TFPI: variants seen among roughly 807,000 people sequenced by gnomAD.
TFPI encodes anti-convertin.
Under a neutral mutation model 34.6 loss-of-function variants are expected in TFPI, and 15 were observed. The observed-to-expected ratio is 0.43, with a 90% confidence interval of 0.29 to 0.67. The LOEUF (loss-of-function observed/expected upper bound fraction) is 0.67. TFPI is among the 30% of genes least tolerant of loss of function. The pLI, the probability that TFPI is intolerant of heterozygous loss-of-function variation, is 0.15. For synonymous variants in TFPI, 105 were observed against 120.1 expected, an observed-to-expected ratio of 0.87 and a Z score of 0.82; for missense variants, 301 against 364.0, an observed-to-expected ratio of 0.83 and a Z score of 1.41.
At chr2:187,509,390 T>C (rs559932966) in intron 1 of TFPI, among the ~76,000 whole-genome samples, 2 of 152,348 alleles carry the variant, frequency 1.3e-5, no homozygotes, top group Admixed American at 6.5e-5. Context: ...CTCCTCTTCA[T>C]ATCTCTGGTA....
chr2:187,492,941 T>C (rs923811590), intron 3 of TFPI, among the ~76,000 whole-genome samples: 1 of 152,128 alleles, frequency 6.6e-6, no homozygotes, highest in Non-Finnish European at 1.5e-5. Flanking sequence ...AGTTTTGAAA[T>C]GTGCAAGTGC....
intron 5 of TFPI, 159 bp from the exon 6 acceptor site, chr2:187,484,375 G>A (rs780395347): frequency 5.7e-5 from 35 of 609,798 alleles, no homozygotes; most frequent in Non-Finnish European, 9.3e-5. Context: ...ATAATTGTAA[G>A]GTAATATTTC....
intron 1 of TFPI, chr2:187,516,327 A>G (rs974328211): frequency 6.6e-5 from 10 of 152,228 alleles, no homozygotes; most frequent in African/African-American, 2.4e-4. Flanking sequence ...CAAGTGTGGC[A>G]TGGATTTAAT....
intron 1 of TFPI, among the ~76,000 whole-genome samples, chr2:187,545,793 A>C (rs549220017): frequency 3.3e-5 from 5 of 152,274 alleles, no homozygotes; most frequent in Non-Finnish European, 5.9e-5. Context: ...ATTTTTATGT[A>C]ATGTTTTGAG....
intron 1 of TFPI, among the ~76,000 whole-genome samples, chr2:187,552,199 A>C (rs1382382758): frequency 2.0e-5 from 3 of 151,950 alleles, no homozygotes; most frequent in Non-Finnish European, 2.9e-5. Flanking sequence ...GATACCTTAA[A>C]ATTTTGTGAC....
Position 187,467,802 on chromosome 2 carries a change from A to G in TFPI, c.759T>C (p.Asn253=). 1 of 1,611,252 alleles carries G rather than the reference A, an allele frequency of 6.2e-7. No individual in the cohort carries two copies. The highest frequency in any genetic ancestry group is 8.5e-7 in the Non-Finnish European group (1 of 1,178,888). Residue 253 remains asparagine, a synonymous_variant, in exon 7 of 8, where the codon AAT becomes AAC. Coordinates refer to ENST00000233156, the MANE Select transcript of TFPI (RefSeq NM_006287.6). ...CTTGTTTGGAAGTAAAATTGTTTTCATTTCCCCCACATCCACTGTACTTAA... is the reference window on the plus strand; with the variant it reads ...CTTGTTTGGAAGTAAAATTGTTTTCGTTTCCCCCACATCCACTGTACTTAA... ...RPFKYSGCGG[N]ENNFTSKQEC...
At chr2:187,477,457 G>GTT (rs917843115) in intron 6 of TFPI, among the ~76,000 whole-genome samples, 3 of 151,862 alleles carry the variant, frequency 2.0e-5, no homozygotes, top group East Asian at 3.9e-4. Context: ...GATGAAGTGG[G>GTT]TTTTTTTTGT....
At chr2:187,525,020 G>A (rs1687605335) in intron 1 of TFPI, among the ~76,000 whole-genome samples, 1 of 151,908 alleles carries the variant, frequency 6.6e-6, no homozygotes, top group African/African-American at 2.4e-5. Flanking sequence ...ATTTATGAGA[G>A]AATATGTGAA....
chr2:187,503,917 T>G lies in TFPI; in HGVS notation c.-2-147A>C. 6.6e-6 allele frequency: 5 copies of G among 754,918 alleles called. No individual in the cohort carries two copies. In the East Asian group the frequency reaches 1.1e-4, roughly 17 times the overall value. The allele number at this position is 754,918 out of a possible 1,614,324, so 46.8% of individuals were successfully genotyped here. On this transcript the variant is annotated intron_variant, in intron 1 of 7. Coordinates refer to ENST00000233156, the MANE Select transcript of TFPI (RefSeq NM_006287.6). The stretch of plus-strand genomic sequence containing the variant: ...CATACATTTCTCTGTGCATACTCAA[T>G]GAGTCATACTTAAAATGTATATGTA...
At chr2:187,471,510 T>C (rs1312666376) in intron 6 of TFPI, among the ~76,000 whole-genome samples, 2 of 152,142 alleles carry the variant, frequency 1.3e-5, no homozygotes, top group South Asian at 2.1e-4. Flanking sequence ...AAAGTTAAGA[T>C]AGAATAAAAA....
chr2:187,553,497 A>G (rs566187709), intron 1 of TFPI, among the ~76,000 whole-genome samples: 1 of 152,186 alleles, frequency 6.6e-6, no homozygotes, highest in Admixed American at 6.5e-5. Context: ...GCTGTATTAT[A>G]TGCTTTCATT....
chr2:187,534,914 T>TA (rs35325041), intron 1 of TFPI, among the ~76,000 whole-genome samples: 3 of 146,972 alleles, frequency 2.0e-5, no homozygotes, highest in Admixed American at 6.8e-5. Context: ...AATAAAAAAA[T>TA]AAAAAAAATC....
intron 2 of TFPI, among the ~76,000 whole-genome samples, chr2:187,498,401 CAAGT>C (rs1309067500): frequency 2.6e-5 from 4 of 151,626 alleles, no homozygotes; most frequent in Non-Finnish European, 5.9e-5. Context: ...GAATTAATAG[CAAGT>C]ATTAGTCTTA....
chr2:187,488,191 T>G (rs1693426921), intron 4 of TFPI, 146 bp downstream of exon 4: 7 of 557,180 alleles, frequency 1.3e-5, no homozygotes, highest in Non-Finnish European at 2.2e-5. Flanking sequence ...TTATGGATTT[T>G]TTTAAATCAA....
At chr2:187,503,504 CATTAGGT>C in intron 2 of TFPI, 137 bp downstream of exon 2, 1 of 761,586 alleles carries the variant, frequency 1.3e-6, no homozygotes, top group Non-Finnish European at 2.0e-6. Context: ...CACACACATA[CATTAGGT>C]ATAATAAATT....
intron 2 of TFPI, among the ~76,000 whole-genome samples, chr2:187,502,262 C>T (rs1023056741): frequency 3.3e-5 from 5 of 152,124 alleles, no homozygotes; most frequent in East Asian, 1.9e-4. Context: ...ACAGTGGCAG[C>T]AGCCACAATT....
At chr2:187,522,727 CAAA>C (rs145948076) in intron 1 of TFPI, among the ~76,000 whole-genome samples, 1 of 111,684 alleles carries the variant, frequency 9.0e-6, no homozygotes, top group Non-Finnish European at 1.8e-5. Context: ...ACTAAAAATA[CAAA>C]AAAAAAAAAA....
intron 1 of TFPI, among the ~76,000 whole-genome samples, chr2:187,523,251 TC>T (rs1475085004): frequency 6.6e-6 from 1 of 152,144 alleles, no homozygotes; most frequent in Middle Eastern, 3.2e-3. Flanking sequence ...ATGCATGTGT[TC>T]AACACATGAA....
chr2:187,534,929 G>C (rs914385332), intron 1 of TFPI, among the ~76,000 whole-genome samples: 1 of 151,950 alleles, frequency 6.6e-6, no homozygotes, highest in African/African-American at 2.4e-5. Context: ...AAAATCAGGG[G>C]TTGCAATGCT....
Sources: gnomAD v4.1 joint callset for allele counts (sites outside exome capture counted in the v4.1 genomes callset) on GRCh38, gnomAD v4.1.1 for gene constraint, MANE v1.5 for transcripts, NCBI Gene and HGNC (gene_info 2026-07-23, HGNC 2026-07-21) for gene names.